The following TJP2 variants were observed in gnomAD, a reference collection of about 807,000 sequenced individuals.
TJP2 encodes Friedreich ataxia region gene X104 (tight junction protein ZO-2).
A neutral mutation model predicts 133.1 loss-of-function variants in TJP2; 91 were observed. That is an observed-to-expected ratio of 0.68 (90% CI 0.58 to 0.81). TJP2 has a LOEUF of 0.81. TJP2 is among the 40% of genes least tolerant of loss of function. The pLI is 0.00. For synonymous variants in TJP2, 592 were observed against 583.4 expected (o/e 1.01, Z -0.21); for missense variants, 1,541 against 1,565.6 (o/e 0.98, Z 0.26).
chr9:69,184,972 A>G (rs1291704773), intron 1 of TJP2, among the ~76,000 whole-genome samples: 2 of 148,454 alleles, frequency 1.3e-5, no homozygotes, highest in African/African-American at 5.0e-5. Context: ...TGGGCCTTGA[A>G]CTCCTGGGCT....
At chr9:69,155,227 CAAAAAA>C (rs58935075) in intron 2 of TJP2, among the ~76,000 whole-genome samples, 9 of 98,770 alleles carry the variant, frequency 9.1e-5, no homozygotes, top group African/African-American at 1.2e-4. Context: ...ACTCCATTTC[CAAAAAA>C]AAAAAAAAAA....
At chr9:69,121,690 A>ACCGCCGGCCGCGGCGGCGGCCG (rs1426201581) in exon 1 of TJP2, 1 of 152,234 alleles carries the variant, frequency 6.6e-6, no homozygotes, top group Non-Finnish European at 1.5e-5. Flanking sequence ...AGCGCCCGAC[A>ACCGCCGGCCGCGGCGGCGGCCG]CCGCCGGCCG....
chr9:69,235,306 T>C (rs1281696901), intron 12 of TJP2, among the ~76,000 whole-genome samples: 1 of 50,964 alleles, frequency 2.0e-5, no homozygotes, highest in Non-Finnish European at 3.7e-5. Flanking sequence ...TTTATTTATT[T>C]ATTTATTTAT....
At position 69,221,999 on chromosome 9, in the gene TJP2, G is replaced by C. The variant is rs150991678; in HGVS notation, c.952+503G>C. ...CAGTTTTCCTGCCTCAGCCTCCCTA[G>C]TAGCTGGGATCACAGGCGTGCACCA... On this transcript the variant is annotated intron_variant, in intron 5 of 22. Coordinates refer to ENST00000377245, the MANE Select transcript of TJP2 (RefSeq NM_004817.4). 2.8e-3 allele frequency among the ~76,000 whole-genome samples: 421 copies of C among 151,172 alleles called. 2 individuals carry two copies. The highest frequency in any genetic ancestry group is 9.0e-3 in the African/African-American group (370 of 41,098).
chr9:69,239,228 G>A (rs1470576341), intron 16 of TJP2, among the ~76,000 whole-genome samples: 1 of 151,822 alleles, frequency 6.6e-6, no homozygotes, highest in Admixed American at 6.6e-5. Flanking sequence ...CCGTTTCACT[G>A]TGTGGAAACC....
chr9:69,137,054 G>A (rs1285898228), intron 1 of TJP2, among the ~76,000 whole-genome samples: 1 of 152,150 alleles, frequency 6.6e-6, no homozygotes, highest in Non-Finnish European at 1.5e-5. Context: ...GGAGCTGTGC[G>A]ATCCAGGCCA....
upstream of TJP2, among the ~76,000 whole-genome samples, chr9:69,171,173 A>T (rs1354950593): frequency 1.3e-5 from 2 of 151,980 alleles, no homozygotes; most frequent in African/African-American, 4.8e-5. Context: ...TAAGCCAGAA[A>T]CCTGAGAGTC....
At position 69,180,269 on chromosome 9, in the gene TJP2, C is replaced by T. The variant is rs1825402273; in HGVS notation, c.60+5837C>T. Among the ~76,000 whole-genome samples the T allele has an allele frequency of 2.0e-5, 3 of 152,146 alleles. 1 individual carries two copies. The South Asian group carries it at 6.2e-4, about 32-fold the overall frequency. On this transcript the variant is annotated intron_variant, in intron 1 of 22. Coordinates refer to ENST00000377245, the MANE Select transcript of TJP2 (RefSeq NM_004817.4). The stretch of plus-strand genomic sequence containing the variant: ...GAATGTGACTAAAATCCAGTTATGC[C>T]TTTGCCATCGTATTAAAAGCTTTGG...
rs566141970 is a variant in TJP2, at chr9:69,219,165, C to T, written c.342+806C>T. ...TGTATTTTTAGTAGAGACGGGGTTT[C>T]ACCATGTTGGTCAGGCTGGTCCCGA... On this transcript the variant is annotated intron_variant, in intron 4 of 22. Coordinates refer to ENST00000377245, the MANE Select transcript of TJP2 (RefSeq NM_004817.4). Among the ~76,000 whole-genome samples, 23 of 152,284 alleles carry T rather than the reference C, an allele frequency of 1.5e-4. No individual in the cohort carries two copies. In the South Asian group the frequency reaches 4.4e-3, roughly 29 times the overall value.
At chr9:69,149,698 C>G (rs1823377781) in intron 1 of TJP2, among the ~76,000 whole-genome samples, 2 of 152,208 alleles carry the variant, frequency 1.3e-5, no homozygotes, top group African/African-American at 4.8e-5. Context: ...TTCACAAGCT[C>G]AACCCAGAAA....
At position 69,229,883 on chromosome 9, in the gene TJP2, G is replaced by A. The variant is rs141390095; in HGVS notation, c.1521-199G>A. Among the ~76,000 whole-genome samples the A allele has an allele frequency of 8.5e-5, 13 of 152,150 alleles. No individual in the cohort carries two copies. In the East Asian group the frequency reaches 2.3e-3, roughly 27 times the overall value. ...ATTCTATGTCTTCACCAGTAACCAG[G>A]GACCTACTGATACTCATCTCATGGT... On this transcript the variant is annotated intron_variant, in intron 10 of 22. Transcript: ENST00000377245.
intron 2 of TJP2, among the ~76,000 whole-genome samples, chr9:69,164,393 C>A (rs1169201968): frequency 1.3e-5 from 2 of 152,102 alleles, no homozygotes; most frequent in African/African-American, 2.4e-5. Flanking sequence ...GCCTTGCTCA[C>A]CTTATATTCC....
Position 69,228,114 on chromosome 9 carries a change from G to T in TJP2, c.1453G>T (p.Ala485Ser). 1 of 1,603,372 alleles carries T rather than the reference G, an allele frequency of 6.2e-7. No homozygotes were observed. Among genetic ancestry groups the T allele is most frequent in the East Asian group, 2.2e-5 (1 of 44,550 alleles). ...ACCCAGATACCAAGAGGACCCCCCA[G>T]GTGAGCCATTAAGACCACTCAGTTT... ...KEPRYQEDPP[A>S]PQPKAAPRTF... is the part of the protein sequence containing the mutation. The change falls in exon 9 of 23, where the codon GCT becomes TCT. Residue 485 changes from alanine to serine, a missense_variant and splice_region_variant. Transcript: ENST00000377245.
Position 69,163,346 on chromosome 9 carries a change from A to G in TJP2, c.-10+11575A>G, listed in dbSNP as rs1445257218. Among the ~76,000 whole-genome samples, 2 of 151,800 alleles carry G rather than the reference A, an allele frequency of 1.3e-5. 1 individual carries two copies. Among genetic ancestry groups the G allele is most frequent in the African/African-American group, 4.8e-5 (2 of 41,338 alleles). On this transcript the variant is annotated intron_variant, in intron 2 of 5. Transcript: ENST00000423935. ...CCGGCCTCAGTATCTTTATTTTAAA[A>G]CATTTTTAGCTGAGTGCGGTGGCTC...
At chr9:69,145,889 T>C in intron 1 of TJP2, 9 of 961,718 alleles carry the variant, frequency 9.4e-6, no homozygotes, top group Non-Finnish European at 1.2e-5. Context: ...GGGACCCATA[T>C]AGAAAAAAGG....
At chr9:69,134,357 A>G (rs1264054719) in intron 1 of TJP2, among the ~76,000 whole-genome samples, 1 of 152,212 alleles carries the variant, frequency 6.6e-6, no homozygotes, top group Admixed American at 6.5e-5. Context: ...CTAAGCAGTG[A>G]CACAAGTCCC....
upstream of TJP2, chr9:69,174,271 C>T (rs1171927770): frequency 2.0e-6 from 3 of 1,528,786 alleles, no homozygotes; most frequent in Non-Finnish European, 8.8e-7. Context: ...GGTTGGGCTG[C>T]GGGTCAGAGC....
chr9:69,159,894 C>CAT (rs201741382), intron 2 of TJP2, among the ~76,000 whole-genome samples: 53 of 58,802 alleles, frequency 9.0e-4, no homozygotes, highest in African/African-American at 2.9e-3. Flanking sequence ...GAAATATATA[C>CAT]ATATATATAT....
chr9:69,193,013 T>G (rs530295809), intron 1 of TJP2, among the ~76,000 whole-genome samples: 13 of 150,242 alleles, frequency 8.7e-5, no homozygotes, highest in African/African-American at 3.2e-4. Flanking sequence ...CCTCCTGGGC[T>G]CAAGCTGTCC....
Sources: gnomAD v4.1 joint callset for allele counts (sites outside exome capture counted in the v4.1 genomes callset) on GRCh38, gnomAD v4.1.1 for gene constraint, MANE v1.5 for transcripts, NCBI Gene and HGNC (gene_info 2026-07-23, HGNC 2026-07-21) for gene names.